Variants in MAP4K5 observed in about 807,000 individuals in gnomAD.
MAP4K5 encodes the protein mitogen-activated protein kinase kinase kinase kinase 5.
MAP4K5 carries 82 observed loss-of-function variants against 135.6 expected under a neutral mutation model. The ratio of observed to expected loss-of-function variants is 0.60; its 90% CI spans 0.51 to 0.73. The LOEUF is 0.73. Among genes scored for constraint, MAP4K5 ranks in the 30% least tolerant of loss-of-function variants. The pLI, the probability that MAP4K5 is intolerant of heterozygous loss-of-function variation, is 0.00. For synonymous variants in MAP4K5, 347 were observed against 335.0 expected (o/e 1.04, Z -0.39); for missense variants, 907 against 1,010.9 (o/e 0.90, Z 1.39).
chr14:50,535,381 G>A (rs1316326865), upstream of MAP4K5, among the ~76,000 whole-genome samples: 1 of 152,172 alleles, frequency 6.6e-6, no homozygotes, highest in Non-Finnish European at 1.5e-5. Context: ...CAGAGCATAA[G>A]GACAATAACT....
At chr14:50,548,683 T>G (rs2038664687) in intron 1 of MAP4K5, among the ~76,000 whole-genome samples, 1 of 152,046 alleles carries the variant, frequency 6.6e-6, no homozygotes, top group Non-Finnish European at 1.5e-5. Flanking sequence ...CTAATTTTTT[T>G]GTATTTTTAG....
intron 1 of MAP4K5, among the ~76,000 whole-genome samples, chr14:50,551,375 C>T (rs944553794): frequency 3.3e-5 from 5 of 151,610 alleles, no homozygotes; most frequent in African/African-American, 1.2e-4. Flanking sequence ...GAGATTGAAT[C>T]GATGATTTTA....
chr14:50,508,959 T>C (rs1038014212), intron 2 of MAP4K5, among the ~76,000 whole-genome samples: 5 of 152,064 alleles, frequency 3.3e-5, no homozygotes, highest in African/African-American at 4.8e-5. Flanking sequence ...CTATTCACAA[T>C]AGTAAAGACT....
chr14:50,560,676 C>T (rs545425689), intron 1 of MAP4K5, among the ~76,000 whole-genome samples: 77 of 152,360 alleles, frequency 5.1e-4, no homozygotes, highest in African/African-American at 1.6e-3. Flanking sequence ...TGTTGTTACT[C>T]GGCCCCAGAG....
At chr14:50,493,700 A>G (rs1384920329) in intron 3 of MAP4K5, among the ~76,000 whole-genome samples, 1 of 152,208 alleles carries the variant, frequency 6.6e-6, no homozygotes, top group African/African-American at 2.4e-5. Context: ...TTTATTTACA[A>G]TAGCATCAAA....
At chr14:50,507,341 C>G (rs1014304698) in intron 2 of MAP4K5, among the ~76,000 whole-genome samples, 26 of 152,114 alleles carry the variant, frequency 1.7e-4, no homozygotes, top group Admixed American at 3.3e-4. Flanking sequence ...TTTTTTGTGT[C>G]TCTATCTCCT....
Position 50,489,095 on chromosome 14 carries a change from TGTGG to T in MAP4K5, c.167-2905_167-2902del, listed in dbSNP as rs573474524. 2.6e-5 allele frequency among the ~76,000 whole-genome samples: 4 copies of T among 152,350 alleles called. No individual in the cohort carries two copies. The South Asian group carries it at 8.3e-4, about 32-fold the overall frequency. On this transcript the variant is annotated intron_variant, in intron 3 of 32. Transcript: ENST00000682126. ...AAATTAATATTACTTTCCACTGAGA[TGTGG>T]CATAAAATCCACTAGGTTCAGAGAA...
intron 2 of MAP4K5, among the ~76,000 whole-genome samples, chr14:50,519,875 T>C (rs1436519534): frequency 6.6e-6 from 1 of 151,986 alleles, no homozygotes; most frequent in Non-Finnish European, 1.5e-5. Flanking sequence ...GACCCAAACA[T>C]CTCTAGCATG....
intron 6 of MAP4K5, among the ~76,000 whole-genome samples, chr14:50,479,422 C>T (rs2037187205): frequency 6.6e-6 from 1 of 152,044 alleles, no homozygotes; most frequent in Admixed American, 6.6e-5. Flanking sequence ...TTTGTTAATT[C>T]CATCAGACAC....
chr14:50,544,136 T>C (rs1267059940), intron 1 of MAP4K5, among the ~76,000 whole-genome samples: 1 of 152,218 alleles, frequency 6.6e-6, no homozygotes, highest in Non-Finnish European at 1.5e-5. Flanking sequence ...CTAATATTAC[T>C]GGACAGTGGG....
At chr14:50,446,171 G>A (rs773077033) in intron 16 of MAP4K5, 50 bp from the exon 17 acceptor site, 11 of 1,109,248 alleles carry the variant, frequency 9.9e-6, no homozygotes, top group South Asian at 8.7e-5. Context: ...GACCGTAACC[G>A]AAAACACAGA....
intron 13 of MAP4K5, among the ~76,000 whole-genome samples, chr14:50,460,868 T>A (rs181988528): frequency 3.3e-5 from 5 of 150,968 alleles, no homozygotes; most frequent in African/African-American, 1.2e-4. Context: ...ATTGGCCATA[T>A]GATGCTGGGC....
chr14:50,551,573 A>G (rs1475591304), intron 1 of MAP4K5, among the ~76,000 whole-genome samples: 1 of 152,166 alleles, frequency 6.6e-6, no homozygotes, highest in African/African-American at 2.4e-5. Context: ...CCATAACAAA[A>G]AAAGAAAACT....
intron 2 of MAP4K5, among the ~76,000 whole-genome samples, chr14:50,513,367 A>G (rs543071502): frequency 6.6e-6 from 1 of 152,330 alleles, no homozygotes; most frequent in South Asian, 2.1e-4. Context: ...ATGTTAATTA[A>G]GCCATTTCTA....
chr14:50,437,831 G>A (rs538938852), intron 25 of MAP4K5, 63 bp downstream of exon 25: 16 of 1,038,800 alleles, frequency 1.5e-5, no homozygotes, highest in East Asian at 1.2e-4. Context: ...CAAGAAATAC[G>A]GGCTATTTTT....
chr14:50,537,249 C>G (rs553555661), upstream of MAP4K5, among the ~76,000 whole-genome samples: 6 of 152,324 alleles, frequency 3.9e-5, no homozygotes, highest in African/African-American at 1.4e-4. Flanking sequence ...AAGCCTCCAG[C>G]CTTGGCAGCT....
chr14:50,482,352 A>C lies in MAP4K5; in HGVS notation c.378+9T>G. On this transcript the variant is annotated intron_variant, in intron 6 of 32. Coordinates refer to ENST00000682126, the MANE Select transcript of MAP4K5 (RefSeq NM_006575.6). Reference sequence around the variant, plus strand: ...TTGCCTTTCTAACTATATTAAGAAAATATAGTACCTGTAAGGTTTCTCTGC... The same window carrying C: ...TTGCCTTTCTAACTATATTAAGAAACTATAGTACCTGTAAGGTTTCTCTGC... 6.8e-7 allele frequency: 1 copy of C among 1,469,912 alleles called. No homozygotes were observed. The highest frequency in any genetic ancestry group is 9.0e-7 in the Non-Finnish European group (1 of 1,105,710). The allele number at this position is 1,469,912 out of a possible 1,614,324, so 91.1% of individuals were successfully genotyped here.
At position 50,495,088 on chromosome 14, in the gene MAP4K5, A is replaced by T. The variant is rs535618682; in HGVS notation, c.167-8894T>A. ...ACAGACGAGACTACAAATGAAATTTAAAAAATTTTGTTCACCAAAGGACAA... is the reference window on the plus strand; with the variant it reads ...ACAGACGAGACTACAAATGAAATTTTAAAAATTTTGTTCACCAAAGGACAA... On this transcript the variant is annotated intron_variant, in intron 3 of 32. Coordinates refer to ENST00000682126, the MANE Select transcript of MAP4K5 (RefSeq NM_006575.6). 2.6e-4 allele frequency among the ~76,000 whole-genome samples: 40 copies of T among 152,366 alleles called. No individual in the cohort carries two copies. In the East Asian group the frequency reaches 6.4e-3, roughly 24 times the overall value.
At chr14:50,434,027 C>A (rs1031650869) in intron 28 of MAP4K5, among the ~76,000 whole-genome samples, 7 of 152,006 alleles carry the variant, frequency 4.6e-5, no homozygotes, top group African/African-American at 2.4e-5. Flanking sequence ...AAGAAGTGAG[C>A]GGGGAAGACA....
Sources: allele counts gnomAD v4.1 joint callset (sites outside exome capture counted in the v4.1 genomes callset), GRCh38; gene constraint gnomAD v4.1.1; transcripts MANE v1.5; gene names NCBI Gene and HGNC (gene_info 2026-07-23, HGNC 2026-07-21).